SHROOM4: variants seen among roughly 807,000 people sequenced by gnomAD.
SHROOM4 encodes protein Shroom4.
SHROOM4 carries 17 observed loss-of-function variants against 80.3 expected under a neutral mutation model. The observed-to-expected ratio is 0.21, with a 90% CI of 0.14 to 0.32. The LOEUF (loss-of-function observed/expected upper bound fraction) is 0.32, where lower values mean the gene tolerates loss of function less well. Among genes scored for constraint, SHROOM4 ranks in the 10% least tolerant of loss-of-function variants. The probability of loss-of-function intolerance (pLI) is 1.00; values close to 1 mark genes in which losing one functional copy is unlikely to be tolerated. For missense variants in SHROOM4, 993 were observed against 1,140.3 expected, an observed-to-expected ratio of 0.87 and a Z score of 1.86; for synonymous variants, 400 against 437.5, an observed-to-expected ratio of 0.91 and a Z score of 1.07.
chrX:50,583,301 G>A (rs1477207997), downstream of SHROOM4, among the ~76,000 whole-genome samples: 1 of 109,721 alleles, frequency 9.1e-6, no homozygotes, highest in Non-Finnish European at 1.9e-5. Context: ...GTGTCCAATT[G>A]TCCTTAGGAC....
chrX:50,676,670 T>C (rs1283874029), intron 2 of SHROOM4, among the ~76,000 whole-genome samples: 1 of 111,125 alleles, frequency 9.0e-6, no homozygotes, highest in Non-Finnish European at 1.9e-5. Flanking sequence ...TATGATAGGA[T>C]CACTTTAACT....
At chrX:50,777,744 C>T (rs191811333) in intron 1 of SHROOM4, among the ~76,000 whole-genome samples, 9 of 111,714 alleles carry the variant, frequency 8.1e-5, no homozygotes, top group African/African-American at 2.9e-4. Flanking sequence ...TGACCCTTTC[C>T]ACAGTGTTTT....
At chrX:50,643,026 T>C (rs1417349513) in intron 2 of SHROOM4, among the ~76,000 whole-genome samples, 1 of 110,820 alleles carries the variant, frequency 9.0e-6, no homozygotes, top group Admixed American at 9.6e-5. Flanking sequence ...GCTGAAACCA[T>C]TCCCTCCATA....
At chrX:50,672,285 C>T (rs1203125915) in intron 2 of SHROOM4, among the ~76,000 whole-genome samples, 1 of 111,646 alleles carries the variant, frequency 9.0e-6, no homozygotes, top group Non-Finnish European at 1.9e-5. Context: ...GAAGTGAGAA[C>T]ATGCTATTGG....
chrX:50,686,078 A>G (rs1379593660), intron 2 of SHROOM4, among the ~76,000 whole-genome samples: 4 of 110,881 alleles, frequency 3.6e-5, no homozygotes, highest in Non-Finnish European at 7.6e-5. Context: ...TCCAGGCTGG[A>G]GTGCAGTGGC....
At position 50,711,406 on chromosome X, in the gene SHROOM4, G is replaced by GA. The variant is rs200724985; in HGVS notation, c.118-15470dup. Among the ~76,000 whole-genome samples, 561 of 112,003 alleles carry GA rather than the reference G, an allele frequency of 5.0e-3. 6 individuals carry two copies. The highest frequency in any genetic ancestry group is 0.017 in the African/African-American group (524 of 30,844). ...TGGTTAAAACCAACACACATGAGGGGAATTTCTGGGGTGATGGTAGTGTTC... is the reference window on the plus strand; with the variant it reads ...TGGTTAAAACCAACACACATGAGGGGAAATTTCTGGGGTGATGGTAGTGTTC... On this transcript the variant is annotated intron_variant, in intron 1 of 8. Coordinates refer to ENST00000376020, the MANE Select transcript of SHROOM4 (RefSeq NM_020717.5).
chrX:50,773,279 A>G (rs1399005782), intron 1 of SHROOM4, among the ~76,000 whole-genome samples: 1 of 112,396 alleles, frequency 8.9e-6, no homozygotes, highest in African/African-American at 3.2e-5. Flanking sequence ...ACCTATTAAC[A>G]TGGCTTAAGG....
At position 50,634,585 on chromosome X, in the gene SHROOM4, T is replaced by A. The variant is rs782564077; in HGVS notation, c.1488A>T (p.Pro496=). 4.1e-6 allele frequency: 5 copies of A among 1,211,878 alleles called. No individual in the cohort carries two copies. The Admixed American group carries it at 1.1e-4, about 26-fold the overall frequency. The change falls in exon 4 of 9, where the codon CCA becomes CCT. Residue 496 remains proline, a synonymous_variant. Transcript: ENST00000376020. Reference sequence around the variant, plus strand: ...AGGGGTGTCCATCAGCCTCTCCATGTGGGGGACTGCTTTGGCTCTGGTGTC... The same window carrying A: ...AGGGGTGTCCATCAGCCTCTCCATGAGGGGGACTGCTTTGGCTCTGGTGTC... ...VLGHQSQSSP[P]HGEADGHPSE...
intron 1 of SHROOM4, among the ~76,000 whole-genome samples, chrX:50,781,955 T>A: frequency 9.0e-6 from 1 of 111,653 alleles, no homozygotes; most frequent in East Asian, 2.8e-4. Context: ...ATACCTGTAA[T>A]CCCAGCACTT....
intron 1 of SHROOM4, among the ~76,000 whole-genome samples, chrX:50,810,884 G>A (rs1465907568): frequency 3.6e-5 from 4 of 112,195 alleles, no homozygotes; most frequent in Non-Finnish European, 5.6e-5. Flanking sequence ...TCACAGTGTA[G>A]CTGCAAGAGA....
At chrX:50,692,534 A>G (rs1334525958) in intron 2 of SHROOM4, among the ~76,000 whole-genome samples, 4 of 111,681 alleles carry the variant, frequency 3.6e-5, no homozygotes, top group African/African-American at 1.3e-4. Flanking sequence ...ATTATATAGG[A>G]ATTATTATTT....
intron 1 of SHROOM4, among the ~76,000 whole-genome samples, chrX:50,743,847 C>T (rs183859059): frequency 1.4e-3 from 161 of 112,107 alleles, no homozygotes; most frequent in African/African-American, 5.0e-3. Context: ...ATCTTTATTT[C>T]GCCTACATTT....
At chrX:50,637,276 A>G (rs1250164373) in intron 3 of SHROOM4, among the ~76,000 whole-genome samples, 1 of 112,086 alleles carries the variant, frequency 8.9e-6, no homozygotes, top group Non-Finnish European at 1.9e-5. Context: ...GCAGCAGCCC[A>G]TGAGACCCTC....
chrX:50,703,513 C>G lies in SHROOM4; in HGVS notation c.118-7576G>C, dbSNP rs782063144. 1.1e-4 allele frequency among the ~76,000 whole-genome samples: 12 copies of G among 111,794 alleles called. No individual in the cohort carries two copies. In the East Asian group the frequency reaches 3.4e-3, roughly 32 times the overall value. ...GATATGGTTAGGCTCTGTGTTCCCA[C>G]CCAAATCTCATGTTGAATTGTAATC... On this transcript the variant is annotated intron_variant, in intron 1 of 8. Transcript: ENST00000376020.
At chrX:50,582,296 A>G (rs1381086424), downstream of SHROOM4, among the ~76,000 whole-genome samples, 2 of 111,869 alleles carry the variant, frequency 1.8e-5, no homozygotes, top group Non-Finnish European at 3.8e-5. Flanking sequence ...CAAGACCTTG[A>G]TTGCAGTCTT....
At chrX:50,812,701 G>A (rs1557273555) in intron 1 of SHROOM4, among the ~76,000 whole-genome samples, 2 of 110,771 alleles carry the variant, frequency 1.8e-5, no homozygotes, top group South Asian at 3.9e-4. Flanking sequence ...TGTTGCGGTG[G>A]ACGTTTGCTG....
intron 5 of SHROOM4, 57 bp downstream of exon 5, chrX:50,627,557 T>C: frequency 2.8e-6 from 3 of 1,078,425 alleles, no homozygotes; most frequent in Non-Finnish European, 3.9e-6. Flanking sequence ...ACCTTAGCAA[T>C]TTCTACAGAA....
chrX:50,651,903 G>C (rs782457706), intron 2 of SHROOM4, among the ~76,000 whole-genome samples: 2 of 111,336 alleles, frequency 1.8e-5, no homozygotes, highest in Admixed American at 1.9e-4. Context: ...CCCTGCAAAG[G>C]ACATGAACTC....
At chrX:50,632,841 A>G (rs1557254369) in intron 4 of SHROOM4, among the ~76,000 whole-genome samples, 4 of 112,136 alleles carry the variant, frequency 3.6e-5, no homozygotes, top group African/African-American at 1.3e-4. Flanking sequence ...ATTTTATGAC[A>G]GAAAAATTAT....
Sources: allele counts gnomAD v4.1 joint callset (sites outside exome capture counted in the v4.1 genomes callset), GRCh38; gene constraint gnomAD v4.1.1; transcripts MANE v1.5; gene names NCBI Gene and HGNC (gene_info 2026-07-23, HGNC 2026-07-21).